DLGAP2: variants seen among roughly 807,000 people sequenced by gnomAD.
DLGAP2 encodes disks large-associated protein 2.
Under a neutral mutation model 100.3 loss-of-function variants are expected in DLGAP2, and 26 were observed. The observed-to-expected ratio is 0.26, with a 90% CI of 0.19 to 0.36. The LOEUF is 0.36. Among genes scored for constraint, DLGAP2 ranks in the 10% least tolerant of loss-of-function variants. The pLI, the probability that DLGAP2 is intolerant of heterozygous loss-of-function variation, is 1.00. For synonymous variants in DLGAP2, 886 were observed against 630.1 expected (o/e 1.41, Z -6.08); for missense variants, 1,858 against 1,453.2 (o/e 1.28, Z -4.53).
chr8:1,699,497 C>T (rs1254051597), intron 14 of DLGAP2, among the ~76,000 whole-genome samples: 2 of 151,752 alleles, frequency 1.3e-5, no homozygotes, highest in Non-Finnish European at 1.5e-5. Flanking sequence ...GCCTGTAGTC[C>T]CAGCTACTCA....
chr8:1,280,250 A>G (rs910921711), intron 3 of DLGAP2, among the ~76,000 whole-genome samples: 3 of 152,100 alleles, frequency 2.0e-5, no homozygotes, highest in Non-Finnish European at 4.4e-5. Context: ...GAGTCCTGCT[A>G]CTGAGGCTTT....
chr8:1,450,353 TCGGTGGCTG>T lies in DLGAP2; in HGVS notation c.107-51012_107-51004del, dbSNP rs1798113616. Among the ~76,000 whole-genome samples the T allele has an allele frequency of 6.7e-5, 6 of 90,012 alleles. 1 individual carries two copies. The highest frequency in any genetic ancestry group is 2.8e-4 in the African/African-American group (6 of 21,766). The allele number at this position is 90,012 out of a possible 152,430, so 59.1% of individuals were successfully genotyped here. On this transcript the variant is annotated intron_variant, in intron 3 of 14. Transcript: ENST00000637795. ...GAGGGTGAAGACGAGGTGGGCGACCTCGGTGGCTGAGGCTGAGCTGTGAGGGTGAAGATG... is the reference window on the plus strand; with the variant it reads ...GAGGGTGAAGACGAGGTGGGCGACCTAGGCTGAGCTGTGAGGGTGAAGATG...
chr8:1,349,096 G>A (rs1585285740), intron 3 of DLGAP2, among the ~76,000 whole-genome samples: 1 of 151,590 alleles, frequency 6.6e-6, no homozygotes, highest in African/African-American at 2.4e-5. Context: ...GCTGCTCAGA[G>A]AGTGCTGCCG....
intron 2 of DLGAP2, among the ~76,000 whole-genome samples, chr8:951,305 G>C (rs1241976526): frequency 1.3e-5 from 2 of 152,190 alleles, no homozygotes; most frequent in Admixed American, 6.5e-5. Context: ...GAGTGCAGTG[G>C]TGTGATCTCG....
intron 1 of DLGAP2, among the ~76,000 whole-genome samples, chr8:862,314 T>C (rs1396806978): frequency 6.6e-6 from 1 of 151,402 alleles, no homozygotes; most frequent in African/African-American, 2.4e-5. Flanking sequence ...TTTTTTTTTT[T>C]TTTCTTGAGA....
At chr8:820,624 A>T (rs558497985) in intron 1 of DLGAP2, among the ~76,000 whole-genome samples, 1 of 152,222 alleles carries the variant, frequency 6.6e-6, no homozygotes, top group African/African-American at 2.4e-5. Flanking sequence ...AGGCAAAAGC[A>T]AGAAGATTGT....
chr8:1,153,124 A>G (rs763123015), intron 2 of DLGAP2, among the ~76,000 whole-genome samples: 11 of 152,130 alleles, frequency 7.2e-5, no homozygotes, highest in Non-Finnish European at 1.5e-4. Context: ...ACCCTGACTT[A>G]GTGCATTTCC....
At chr8:1,498,565 G>T (rs751928155) in intron 3 of DLGAP2, among the ~76,000 whole-genome samples, 3 of 152,206 alleles carry the variant, frequency 2.0e-5, no homozygotes, top group African/African-American at 7.2e-5. Context: ...ATTTGGGCAA[G>T]AGCAGAAGAA....
At chr8:1,453,293 A>T (rs1798214183) in intron 3 of DLGAP2, among the ~76,000 whole-genome samples, 2 of 152,066 alleles carry the variant, frequency 1.3e-5, no homozygotes, top group Admixed American at 1.3e-4. Flanking sequence ...GAGCCTGGGG[A>T]GGTGTGTGAC....
chr8:1,365,137 C>A (rs573390416), intron 3 of DLGAP2, among the ~76,000 whole-genome samples: 1 of 152,324 alleles, frequency 6.6e-6, no homozygotes, highest in African/African-American at 2.4e-5. Flanking sequence ...GGCCTGCAGT[C>A]AAGACAAAGC....
At chr8:1,317,743 G>A (rs1251608800) in intron 3 of DLGAP2, among the ~76,000 whole-genome samples, 1 of 100,432 alleles carries the variant, frequency 1.0e-5, no homozygotes, top group Non-Finnish European at 2.0e-5. Flanking sequence ...GAGCGTGTGT[G>A]AGTGCAGCGT....
rs1244004703 is a variant in DLGAP2, at chr8:1,604,597, C to CAT, written c.1443-22143_1443-22142insAT. The CAT allele has an allele frequency of 3.9e-5, 6 of 152,280 alleles. No individual in the cohort carries two copies. In the East Asian group the frequency reaches 7.7e-4, roughly 20 times the overall value. 9.4% of individuals were successfully genotyped at this position (152,280 alleles called of 1,614,324 possible). A position where few individuals can be genotyped will look rare whatever the true frequency, so the allele number is the denominator to read the frequency against. ...TATTACATGCAAGCACACAGGAGACCGTGATCCTGGAATCTATATTACATA... is the reference window on the plus strand; with the variant it reads ...TATTACATGCAAGCACACAGGAGACCATGTGATCCTGGAATCTATATTACATA... On this transcript the variant is annotated intron_variant, in intron 6 of 14. Transcript: ENST00000637795.
At chr8:1,682,683 A>C (rs946787083) in intron 12 of DLGAP2, among the ~76,000 whole-genome samples, 2 of 151,466 alleles carry the variant, frequency 1.3e-5, no homozygotes, top group Non-Finnish European at 3.0e-5. Flanking sequence ...CATGTTGGCC[A>C]GGATAATCGT....
intron 1 of DLGAP2, among the ~76,000 whole-genome samples, chr8:878,598 C>T (rs1797726983): frequency 6.6e-6 from 1 of 152,118 alleles, no homozygotes; most frequent in African/African-American, 2.4e-5. Context: ...CACCAAAACT[C>T]ACTGAGGCTT....
At chr8:1,073,408 G>C (rs74704231) in intron 2 of DLGAP2, among the ~76,000 whole-genome samples, 1 of 151,982 alleles carries the variant, frequency 6.6e-6, no homozygotes, top group Non-Finnish European at 1.5e-5. Flanking sequence ...TGATCATGGG[G>C]TTCTATGATA....
At chr8:1,537,530 C>G (rs981320662) in intron 4 of DLGAP2, among the ~76,000 whole-genome samples, 22 of 152,298 alleles carry the variant, frequency 1.4e-4, no homozygotes, top group East Asian at 1.9e-4. Flanking sequence ...GGAAAAACCC[C>G]ATTCCAAGGA....
chr8:1,069,340 G>A (rs555560613), intron 2 of DLGAP2, among the ~76,000 whole-genome samples: 5 of 152,260 alleles, frequency 3.3e-5, no homozygotes, highest in South Asian at 2.1e-4. Context: ...CCTGCGGCCC[G>A]TGGACAGGTC....
At chr8:1,163,005 C>T (rs546278882) in intron 2 of DLGAP2, among the ~76,000 whole-genome samples, 2 of 152,206 alleles carry the variant, frequency 1.3e-5, no homozygotes, top group East Asian at 3.9e-4. Flanking sequence ...TCCCATCCAC[C>T]TGGGAGCTTT....
Position 1,192,337 on chromosome 8 carries a change from C to G in DLGAP2, c.74-66514C>G, listed in dbSNP as rs888669208. 2.6e-5 allele frequency among the ~76,000 whole-genome samples: 4 copies of G among 152,312 alleles called. No individual in the cohort carries two copies. In the South Asian group the frequency reaches 6.2e-4, roughly 24 times the overall value. ...TATATTTATGGTGTAGAATATGATGCTTTGCATTGTGAATACCTTGCGGAA... is the reference window on the plus strand; with the variant it reads ...TATATTTATGGTGTAGAATATGATGGTTTGCATTGTGAATACCTTGCGGAA... On this transcript the variant is annotated intron_variant, in intron 2 of 14. Coordinates refer to ENST00000637795, the MANE Select transcript of DLGAP2 (RefSeq NM_001346810.2).
Sources: allele counts gnomAD v4.1 joint callset (sites outside exome capture counted in the v4.1 genomes callset), GRCh38; gene constraint gnomAD v4.1.1; transcripts MANE v1.5; gene names NCBI Gene and HGNC (gene_info 2026-07-23, HGNC 2026-07-21).